The following SORCS2 variants were observed in gnomAD, a reference collection of about 807,000 sequenced individuals.
SORCS2 encodes sortilin related VPS10 domain containing receptor 2.
A neutral mutation model predicts 141.6 loss-of-function variants in SORCS2; 100 were observed. The ratio of observed to expected loss-of-function variants is 0.71; its 90% CI spans 0.60 to 0.83. The LOEUF is 0.83. Among genes scored for constraint, SORCS2 ranks in the 40% least tolerant of loss-of-function variants. The pLI is 0.00. For missense variants in SORCS2, 1,646 were observed against 1,560.2 expected (o/e 1.05, Z -0.93); for synonymous variants, 789 against 676.9 (o/e 1.17, Z -2.57).
chr4:7,534,276 A>G (rs1711919723), intron 3 of SORCS2, among the ~76,000 whole-genome samples: 1 of 152,172 alleles, frequency 6.6e-6, no homozygotes, highest in Non-Finnish European at 1.5e-5. Context: ...AGGGTGGTGT[A>G]GAGGACAGTG....
chr4:7,536,125 G>A (rs1712107568), intron 3 of SORCS2, among the ~76,000 whole-genome samples: 1 of 152,314 alleles, frequency 6.6e-6, no homozygotes, highest in Admixed American at 6.5e-5. Flanking sequence ...GAGAGCACGT[G>A]GACTCAGAGG....
At chr4:7,632,043 AG>A (rs1261015380) in intron 3 of SORCS2, among the ~76,000 whole-genome samples, 2 of 152,178 alleles carry the variant, frequency 1.3e-5, no homozygotes, top group Non-Finnish European at 2.9e-5. Flanking sequence ...CTTGGCACAC[AG>A]GCTCCCTGGC....
In SORCS2 at chr4:7,710,774, C is replaced by T. The variant is rs375255537; in HGVS notation, c.1869-1959C>T. On this transcript the variant is annotated intron_variant, in intron 14 of 26. Transcript: ENST00000507866. ...TGGAAACAGTGTCTGCAGAAGCGGA[C>T]GGACGCGGCAGAGTCACAGCCGTAC... Among the ~76,000 whole-genome samples the T allele has an allele frequency of 3.3e-5, 5 of 152,194 alleles. No individual in the cohort carries two copies. In the East Asian group the frequency reaches 5.8e-4, roughly 18 times the overall value.
intron 5 of SORCS2, among the ~76,000 whole-genome samples, chr4:7,659,830 C>T (rs149009973): frequency 2.6e-5 from 4 of 152,320 alleles, no homozygotes; most frequent in African/African-American, 7.2e-5. Context: ...TTCTCCCCCC[C>T]ACCACTGTCC....
chr4:7,592,859 CA>C (rs1470987305), intron 3 of SORCS2, among the ~76,000 whole-genome samples: 1 of 152,178 alleles, frequency 6.6e-6, no homozygotes, highest in Non-Finnish European at 1.5e-5. Flanking sequence ...CATAAACCAC[CA>C]ACCAGAATGC....
intron 1 of SORCS2, among the ~76,000 whole-genome samples, chr4:7,254,574 G>C (rs1337652627): frequency 6.6e-6 from 1 of 152,118 alleles, no homozygotes; most frequent in African/African-American, 2.4e-5. Flanking sequence ...ACATTATTTG[G>C]GTGATGGATA....
chr4:7,249,856 A>G (rs1173082450), intron 1 of SORCS2, among the ~76,000 whole-genome samples: 1 of 152,122 alleles, frequency 6.6e-6, no homozygotes, highest in African/African-American at 2.4e-5. Context: ...GGATTTATCC[A>G]CTCAGATTTG....
At chr4:7,516,752 G>C (rs1279039082) in intron 2 of SORCS2, among the ~76,000 whole-genome samples, 2 of 152,182 alleles carry the variant, frequency 1.3e-5, no homozygotes, top group Admixed American at 6.5e-5. Flanking sequence ...ACCAGGAAGG[G>C]AGCCTCCCCT....
chr4:7,255,542 GA>G (rs1270226898), intron 1 of SORCS2, among the ~76,000 whole-genome samples: 2 of 152,130 alleles, frequency 1.3e-5, no homozygotes, highest in African/African-American at 4.8e-5. Context: ...GCTTGAGCCT[GA>G]AGCCTGATGC....
In SORCS2 at chr4:7,518,143, G is replaced by A. The variant is rs542299267; in HGVS notation, c.549-13387G>A. Among the ~76,000 whole-genome samples, 12 of 152,318 alleles carry A rather than the reference G, an allele frequency of 7.9e-5. No homozygotes were observed. In the South Asian group the frequency reaches 2.3e-3, roughly 29 times the overall value. The stretch of plus-strand genomic sequence containing the variant: ...TGCAGCTTCTTTTCTTCTTCTTAGC[G>A]TTGTTGTTCTCAATTGTTTCATTAT... On this transcript the variant is annotated intron_variant, in intron 2 of 26. Transcript: ENST00000507866.
intron 9 of SORCS2, among the ~76,000 whole-genome samples, chr4:7,681,616 C>T (rs1164220127): frequency 1.3e-5 from 2 of 152,204 alleles, no homozygotes; most frequent in Admixed American, 1.3e-4. Flanking sequence ...TTGTCTGAAG[C>T]CACTGGGTTT....
chr4:7,395,928 T>A (rs992189437), intron 1 of SORCS2, among the ~76,000 whole-genome samples: 6 of 152,196 alleles, frequency 3.9e-5, no homozygotes, highest in African/African-American at 1.4e-4. Context: ...CCAAATGCGC[T>A]CCATCCTCAC....
At chr4:7,381,635 T>A (rs1459280906) in intron 1 of SORCS2, among the ~76,000 whole-genome samples, 15 of 152,076 alleles carry the variant, frequency 9.9e-5, no homozygotes, top group Non-Finnish European at 1.5e-5. Flanking sequence ...ACTCACAGAA[T>A]GATGTAAACC....
intron 1 of SORCS2, among the ~76,000 whole-genome samples, chr4:7,249,515 A>T (rs1370108420): frequency 6.6e-6 from 1 of 152,150 alleles, no homozygotes. Context: ...TGATGAGAGG[A>T]GTATCAGAGA....
chr4:7,475,797 G>T (rs930434756), intron 2 of SORCS2, among the ~76,000 whole-genome samples: 1 of 152,226 alleles, frequency 6.6e-6, no homozygotes, highest in Non-Finnish European at 1.5e-5. Context: ...CAGGCCTTTG[G>T]AAGACTGCAT....
At chr4:7,676,479 C>A (rs1301437789) in intron 9 of SORCS2, among the ~76,000 whole-genome samples, 3 of 152,174 alleles carry the variant, frequency 2.0e-5, no homozygotes, top group Non-Finnish European at 4.4e-5. Flanking sequence ...AGTATAAGTT[C>A]TTGTCATGAG....
intron 1 of SORCS2, among the ~76,000 whole-genome samples, chr4:7,230,286 A>G (rs1711760661): frequency 2.7e-5 from 3 of 111,534 alleles, no homozygotes; most frequent in Non-Finnish European, 5.7e-5. Flanking sequence ...GAGCAGTGTC[A>G]TGTGCTCATG....
chr4:7,672,480 A>G (rs1469990113), intron 8 of SORCS2, among the ~76,000 whole-genome samples: 1 of 152,246 alleles, frequency 6.6e-6, no homozygotes, highest in East Asian at 1.9e-4. Context: ...TGTCATGTCT[A>G]TTAAAAATGT....
intron 1 of SORCS2, among the ~76,000 whole-genome samples, chr4:7,382,923 A>G (rs546753875): frequency 6.6e-6 from 1 of 152,346 alleles, no homozygotes; most frequent in East Asian, 1.9e-4. Context: ...AGATCAGAAG[A>G]AGAAAAAATG....
Sources: allele counts gnomAD v4.1 joint callset (sites outside exome capture counted in the v4.1 genomes callset), GRCh38; gene constraint gnomAD v4.1.1; transcripts MANE v1.5; gene names NCBI Gene and HGNC (gene_info 2026-07-23, HGNC 2026-07-21).